The following ATP13A3 variants were observed in gnomAD, a reference collection of about 807,000 sequenced individuals.
ATP13A3 encodes the protein ATPase 13A3, also known as polyamine-transporting ATPase 13A3.
ATP13A3 carries 59 observed loss-of-function variants against 158.1 expected under a neutral mutation model. The ratio of observed to expected loss-of-function variants is 0.37; its 90% CI spans 0.30 to 0.46. The LOEUF (loss-of-function observed/expected upper bound fraction) is 0.46. ATP13A3 is among the 20% of genes least tolerant of loss of function. The pLI, the probability that ATP13A3 is intolerant of heterozygous loss-of-function variation, is 1.00. For synonymous variants in ATP13A3, 491 were observed against 504.3 expected (o/e 0.97, Z 0.35); for missense variants, 1,166 against 1,525.2 (o/e 0.76, Z 3.92).
intron 33 of ATP13A3, 135 bp from the exon 34 acceptor site, chr3:194,406,251 A>C: frequency 1.1e-6 from 1 of 946,388 alleles, no homozygotes; most frequent in African/African-American, 1.7e-5. Flanking sequence ...GAATGGGGGA[A>C]AAAAAAATCC....
Position 194,448,762 on chromosome 3 carries a change from ATAAT to A in ATP13A3, c.971-130_971-127del. The A allele has an allele frequency of 1.0e-6, 1 of 999,366 alleles. No individual in the cohort carries two copies. The highest frequency in any genetic ancestry group is 1.4e-6 in the Non-Finnish European group (1 of 709,684). The allele number at this position is 999,366 out of a possible 1,614,324, so 61.9% of individuals were successfully genotyped here. ...TTTAAATGCTACCATACTGTTTACA[ATAAT>A]CACTGAGAGTTGTATATGTGGACAA... On this transcript the variant is annotated intron_variant, in intron 11 of 33. Coordinates refer to ENST00000645319, the MANE Select transcript of ATP13A3 (RefSeq NM_001367549.1). The surrounding 1 kb of genome is among the most constrained non-coding windows in gnomAD (Gnocchi z 4.0).
In ATP13A3 at chr3:194,404,368, T is replaced by C. The variant is rs1415345539; in HGVS notation, c.*1551A>G. Reference sequence around the variant, plus strand: ...AGTTACCAAACATCATCCAGGTCTTTGCAGCATAAAGAGTGAGAACCATTT... The same window carrying C: ...AGTTACCAAACATCATCCAGGTCTTCGCAGCATAAAGAGTGAGAACCATTT... On this transcript the variant is annotated 3_prime_UTR_variant, in exon 34 of 34. Coordinates refer to ENST00000645319, the MANE Select transcript of ATP13A3 (RefSeq NM_001367549.1). The C allele has an allele frequency of 1.3e-5, 3 of 222,806 alleles. No homozygotes were observed. Among genetic ancestry groups the C allele is most frequent in the Non-Finnish European group, 2.7e-5 (3 of 111,196 alleles). The allele number at this position is 222,806 out of a possible 1,614,324, so 13.8% of individuals were successfully genotyped here.
chr3:194,441,823 C>T (rs749632325), intron 15 of ATP13A3, among the ~76,000 whole-genome samples: 2 of 152,158 alleles, frequency 1.3e-5, no homozygotes, highest in Non-Finnish European at 2.9e-5. Flanking sequence ...AAGAGCTACA[C>T]GCCCTTGGGA....
intron 21 of ATP13A3, 105 bp downstream of exon 21, chr3:194,433,667 C>T: frequency 1.4e-6 from 2 of 1,424,152 alleles, no homozygotes; most frequent in South Asian, 1.4e-5. Context: ...GTTGAAACCA[C>T]TATAGACTAT....
At chr3:194,441,574 G>A (rs1233187716) in intron 15 of ATP13A3, 113 bp from the exon 16 acceptor site, 10 of 930,488 alleles carry the variant, frequency 1.1e-5, no homozygotes, top group Non-Finnish European at 1.4e-5. Context: ...ATCCCAATCT[G>A]AGCTCCTAAG....
rs199963828 is a variant in ATP13A3 at position 194,406,461 on chromosome 3, AT to A, written c.3574-346del. Among the ~76,000 whole-genome samples, 407 of 151,956 alleles carry A rather than the reference AT, an allele frequency of 2.7e-3. 2 individuals carry two copies. The highest frequency in any genetic ancestry group is 3.4e-3 in the Non-Finnish European group (232 of 67,920). On this transcript the variant is annotated intron_variant, in intron 33 of 33. Coordinates refer to ENST00000645319, the MANE Select transcript of ATP13A3 (RefSeq NM_001367549.1). ...AGGAACTGATTATTCTTTAGATTAT[AT>A]TTTTTTTGGGGGGATAATCAATATG...
upstream of ATP13A3, chr3:194,487,659 T>C (rs1721064600): frequency 1.3e-5 from 2 of 152,236 alleles, no homozygotes; most frequent in Admixed American, 6.5e-5. Context: ...AGAAGACTTA[T>C]CTCGGGGTAG....
At position 194,433,784 on chromosome 3, in the gene ATP13A3, C is replaced by T. The variant is rs138465420; in HGVS notation, c.2233G>A (p.Val745Ile). 313 of 1,614,030 alleles carry T rather than the reference C, an allele frequency of 1.9e-4. 2 individuals are homozygous for T. The East Asian group carries it at 3.8e-3, about 19-fold the overall frequency. Residue 745 changes from valine (V) to isoleucine (I), a missense_variant, in exon 21 of 34, where the codon GTC (valine) becomes ATC (isoleucine). Coordinates refer to ENST00000645319, the MANE Select transcript of ATP13A3 (RefSeq NM_001367549.1). ...EDLHKANIRT[V>I]MVTGDSMLTA... ...TATAAAGTCTAACCTGTGACCATGA[C>T]GGTGCGAATGTTGGCTTTATGCAAA...
chr3:194,484,891 A>C (rs935162261), intron 2 of ATP13A3, among the ~76,000 whole-genome samples: 2 of 152,056 alleles, frequency 1.3e-5, no homozygotes, highest in African/African-American at 4.8e-5. Context: ...CCCTGTCTCT[A>C]CTAAAAATAC....
chr3:194,447,216 T>C, intron 13 of ATP13A3, 101 bp from the exon 14 acceptor site: 1 of 1,008,058 alleles, frequency 9.9e-7, no homozygotes, highest in East Asian at 2.6e-5. Flanking sequence ...TTCAATTGTA[T>C]ATTTCAATTT....
chr3:194,456,381 G>C (rs564977528), intron 7 of ATP13A3, among the ~76,000 whole-genome samples: 11 of 151,198 alleles, frequency 7.3e-5, no homozygotes, highest in African/African-American at 2.7e-4. Flanking sequence ...TTGTACATTC[G>C]ACTTTAAAAG....
At chr3:194,421,338 G>A (rs1402048010) in intron 30 of ATP13A3, among the ~76,000 whole-genome samples, 3 of 147,524 alleles carry the variant, frequency 2.0e-5, no homozygotes, top group African/African-American at 7.5e-5. Flanking sequence ...CGGATCACGA[G>A]GTCAGGATAA....
chr3:194,482,270 T>A (rs767194087), intron 2 of ATP13A3, among the ~76,000 whole-genome samples: 60 of 152,346 alleles, frequency 3.9e-4, no homozygotes, highest in South Asian at 1.0e-3. Context: ...TTATTTTTGG[T>A]TGTTTTAAGA....
At chr3:194,445,731 T>C (rs1044731476) in intron 14 of ATP13A3, among the ~76,000 whole-genome samples, 1 of 152,178 alleles carries the variant, frequency 6.6e-6, no homozygotes, top group Non-Finnish European at 1.5e-5. Flanking sequence ...TCTGTAATAA[T>C]GAAATGCACA....
Position 194,448,969 on chromosome 3 carries a change from G to A in ATP13A3, c.971-333C>T, listed in dbSNP as rs1037278977. Among the ~76,000 whole-genome samples the A allele has an allele frequency of 6.6e-6, 1 of 151,730 alleles. No homozygotes were observed. Among genetic ancestry groups the A allele is most frequent in the Non-Finnish European group, 1.5e-5 (1 of 67,972 alleles). On this transcript the variant is annotated intron_variant, in intron 11 of 33. Coordinates refer to ENST00000645319, the MANE Select transcript of ATP13A3 (RefSeq NM_001367549.1). This position sits in a 1 kb window ranked among gnomAD's most constrained non-coding sequence, Gnocchi z 4.0. ...AGATTAAGTAGTTGCTATAGTCCCT[G>A]CACCTCTAAGAACTAATGGTAACAG...
rs147261029 is a variant in ATP13A3 at position 194,442,999 on chromosome 3, C to T, written c.1560-1538G>A. Among the ~76,000 whole-genome samples the T allele has an allele frequency of 8.0e-3, 1,213 of 151,030 alleles. 22 individuals carry two copies. Among genetic ancestry groups the T allele is most frequent in the African/African-American group, 0.027 (1,117 of 41,152 alleles). ...TGGGCTGCTCTGCCTATGAAGGAAC[C>T]ATTCTTTATTCCTTTACTTTCTTAA... is the stretch of plus-strand genomic sequence containing the variant. On this transcript the variant is annotated intron_variant, in intron 15 of 33. Transcript: ENST00000645319.
chr3:194,458,742 T>C (rs1414955678), intron 6 of ATP13A3, among the ~76,000 whole-genome samples: 3 of 152,160 alleles, frequency 2.0e-5, no homozygotes, highest in Non-Finnish European at 4.4e-5. Flanking sequence ...AAACTAGGCA[T>C]GTAAAAATGC....
intron 2 of ATP13A3, among the ~76,000 whole-genome samples, chr3:194,493,440 A>G (rs1459970517): frequency 1.3e-5 from 2 of 152,042 alleles, no homozygotes; most frequent in Non-Finnish European, 2.9e-5. Flanking sequence ...TGAGGTCAGG[A>G]GTTCGAGACC....
Position 194,433,232 on chromosome 3 carries a change from C to CTTTTT in ATP13A3, c.2245+535_2245+539dup, listed in dbSNP as rs71637136. Among the ~76,000 whole-genome samples the CTTTTT allele has an allele frequency of 3.4e-3, 386 of 113,594 alleles. 1 individual carries two copies. Among genetic ancestry groups the CTTTTT allele is most frequent in the African/African-American group, 5.0e-3 (142 of 28,566 alleles). 74.5% of individuals were successfully genotyped at this position (113,594 alleles called of 152,430 possible). ...ATTTTTACAGTGTACTTTTACTATTCTTTTTTTTTTTTTTTTTTTTTTGAG... is the reference window on the plus strand; with the variant it reads ...ATTTTTACAGTGTACTTTTACTATTCTTTTTTTTTTTTTTTTTTTTTTTTTTTGAG... On this transcript the variant is annotated intron_variant, in intron 21 of 33. Transcript: ENST00000645319.
Sources: allele counts gnomAD v4.1 joint callset (sites outside exome capture counted in the v4.1 genomes callset), GRCh38; gene constraint gnomAD v4.1.1; non-coding constraint Gnocchi (gnomAD v3.1); transcripts MANE v1.5; gene names NCBI Gene and HGNC (gene_info 2026-07-23, HGNC 2026-07-21).